The following EPB41L1 variants were observed in gnomAD, a reference collection of about 807,000 sequenced individuals.
EPB41L1 encodes band 4.1-like protein 1.
EPB41L1 carries 29 observed loss-of-function variants against 97.8 expected under a neutral mutation model. That is an observed-to-expected ratio of 0.30 (90% CI 0.22 to 0.40). The LOEUF (loss-of-function observed/expected upper bound fraction) is 0.40. Ranked by LOEUF, EPB41L1 falls within the 10% of genes least tolerant of loss-of-function variation. The probability of loss-of-function intolerance (pLI) is 1.00; values close to 1 mark genes in which losing one functional copy is unlikely to be tolerated. For synonymous variants in EPB41L1, 383 were observed against 459.2 expected, an observed-to-expected ratio of 0.83 and a Z score of 2.12; for missense variants, 812 against 1,162.3, an observed-to-expected ratio of 0.70 and a Z score of 4.38.
intron 5 of EPB41L1, among the ~76,000 whole-genome samples, chr20:36,179,698 C>T (rs2061398395): frequency 6.6e-6 from 1 of 152,260 alleles, no homozygotes; most frequent in Non-Finnish European, 1.5e-5. Context: ...CTCTCCTGAA[C>T]TCCCTGGTCC....
At chr20:36,133,902 A>G (rs1462424001) in intron 2 of EPB41L1, among the ~76,000 whole-genome samples, 1 of 151,882 alleles carries the variant, frequency 6.6e-6, no homozygotes, top group Non-Finnish European at 1.5e-5. Context: ...ATTACTTGAT[A>G]GCAAACCTTG....
chr20:36,201,392 G>C (rs111585491), intron 14 of EPB41L1, among the ~76,000 whole-genome samples: 2,012 of 152,210 alleles, frequency 0.013, 21 homozygotes, highest in Non-Finnish European at 0.021. Flanking sequence ...CTTAGGGTCA[G>C]GGGTCATGCT....
rs1600961268 is a variant in EPB41L1 at position 36,207,081 on chromosome 20, T to C, written c.1669-2407T>C. 7.8e-7 allele frequency: 1 copy of C among 1,288,944 alleles called. No homozygotes were observed. The highest frequency in any genetic ancestry group is 2.3e-5 in the Admixed American group (1 of 43,524). 79.8% of individuals were successfully genotyped at this position (1,288,944 alleles called of 1,614,324 possible). ...CATTTCTTCACATGGAGGTGATCAT[T>C]CCCCTGCCAGCCTCCCCTGGTCATT... On this transcript the variant is annotated intron_variant, in intron 14 of 21. Coordinates refer to ENST00000338074, the MANE Select transcript of EPB41L1 (RefSeq NM_012156.2). This position sits in a 1 kb window ranked among gnomAD's most constrained non-coding sequence, Gnocchi z 4.9.
At chr20:36,174,992 C>T in intron 2 of EPB41L1, among the ~76,000 whole-genome samples, 1 of 152,162 alleles carries the variant, frequency 6.6e-6, no homozygotes, top group East Asian at 1.9e-4. Flanking sequence ...ACAACAGACT[C>T]ACCTCCTCAT....
intron 1 of EPB41L1, among the ~76,000 whole-genome samples, chr20:36,107,828 T>TAA (rs879893254): frequency 4.2e-5 from 6 of 143,894 alleles, no homozygotes; most frequent in African/African-American, 1.5e-4. Flanking sequence ...GACTCCATCT[T>TAA]AAAAAAAAAA....
chr20:36,198,133 A>G, intron 14 of EPB41L1, 92 bp downstream of exon 14: 1 of 1,162,698 alleles, frequency 8.6e-7, no homozygotes, highest in Non-Finnish European at 1.3e-6. Context: ...CCACACCAAT[A>G]TGCTTCCCCC....
intron 8 of EPB41L1, among the ~76,000 whole-genome samples, chr20:36,187,974 G>T (rs1403444007): frequency 6.6e-6 from 1 of 152,112 alleles, no homozygotes; most frequent in Non-Finnish European, 1.5e-5. Context: ...GAACCTGTTT[G>T]AGCCACTGCT....
intron 21 of EPB41L1, among the ~76,000 whole-genome samples, chr20:36,223,274 T>C (rs1019096289): frequency 2.3e-4 from 35 of 152,226 alleles, no homozygotes; most frequent in African/African-American, 8.4e-4. Context: ...CCTCAAGTGA[T>C]CTGCCTGCCT....
chr20:36,182,406 C>T (rs2061507978), intron 6 of EPB41L1, 59 bp downstream of exon 6: 1 of 1,579,188 alleles, frequency 6.3e-7, no homozygotes. Flanking sequence ...GGATGAGGGA[C>T]CCTGGCCCTG....
intron 4 of EPB41L1, among the ~76,000 whole-genome samples, 171 bp from the exon 5 acceptor site, chr20:36,178,459 C>G (rs2061340565): frequency 6.6e-6 from 1 of 152,174 alleles, no homozygotes; most frequent in Admixed American, 6.5e-5. Flanking sequence ...GAATCCTGGC[C>G]CCATTCCCCT....
chr20:36,096,083 T>G (rs1158567285), intron 1 of EPB41L1, among the ~76,000 whole-genome samples: 1 of 151,824 alleles, frequency 6.6e-6, no homozygotes, highest in African/African-American at 2.4e-5. Flanking sequence ...ACCTAGGAAT[T>G]GATAACTCTG....
chr20:36,194,933 GGT>G (rs1190365300), intron 12 of EPB41L1, among the ~76,000 whole-genome samples: 1 of 152,116 alleles, frequency 6.6e-6, no homozygotes. Flanking sequence ...CACACACACA[GGT>G]GTGTGCACAC....
chr20:36,120,537 G>A (rs745707701), intron 2 of EPB41L1, among the ~76,000 whole-genome samples: 20 of 152,142 alleles, frequency 1.3e-4, no homozygotes, highest in Non-Finnish European at 2.6e-4. Flanking sequence ...TAGGCCAACC[G>A]TGTCCCTGTC....
At chr20:36,202,640 A>AAATAATAATAAT (rs536919167) in intron 14 of EPB41L1, among the ~76,000 whole-genome samples, 126 of 149,920 alleles carry the variant, frequency 8.4e-4, no homozygotes, top group African/African-American at 2.9e-3. Context: ...CTAAAAATAC[A>AAATAATAATAAT]AATAATAATA....
At chr20:36,173,340 T>TTTTA (rs1373355038) in intron 1 of EPB41L1, among the ~76,000 whole-genome samples, 4 of 152,218 alleles carry the variant, frequency 2.6e-5, no homozygotes, top group Admixed American at 2.6e-4. Context: ...CCCAGGGTTC[T>TTTTA]TTTAGTTAAA....
At chr20:36,176,841 A>G (rs1364770359) in intron 3 of EPB41L1, among the ~76,000 whole-genome samples, 1 of 152,010 alleles carries the variant, frequency 6.6e-6, no homozygotes, top group Non-Finnish European at 1.5e-5. Flanking sequence ...CATGTTGCCC[A>G]GGCTGGTCTC....
rs199848406 is a variant in EPB41L1 at position 36,129,356 on chromosome 20, T to TG, written c.-10+16882dup. Reference sequence around the variant, plus strand: ...GGGTGTGGTAAGTTACCGCTTCTCCTGGGGGGAGCCTGGTTTGCATTGTAA... The same window carrying TG: ...GGGTGTGGTAAGTTACCGCTTCTCCTGGGGGGGAGCCTGGTTTGCATTGTAA... On this transcript the variant is annotated intron_variant, in intron 2 of 19. Transcript: ENST00000202028. Among the ~76,000 whole-genome samples the TG allele has an allele frequency of 8.5e-3, 1,300 of 152,114 alleles. 27 individuals carry two copies. The highest frequency in any genetic ancestry group is 0.029 in the African/African-American group (1,217 of 41,478).
intron 2 of EPB41L1, among the ~76,000 whole-genome samples, chr20:36,129,574 A>G (rs1185683720): frequency 6.6e-6 from 1 of 151,852 alleles, no homozygotes; most frequent in Non-Finnish European, 1.5e-5. Flanking sequence ...ACTGCTCCCG[A>G]AGCACTCCCT....
upstream of EPB41L1, among the ~76,000 whole-genome samples, chr20:36,153,717 C>T (rs1776108216): frequency 6.6e-6 from 1 of 152,176 alleles, no homozygotes; most frequent in Admixed American, 6.5e-5. Context: ...GAACAACTTG[C>T]CCAAGGGTAC....
Sources: gnomAD v4.1 joint callset for allele counts (sites outside exome capture counted in the v4.1 genomes callset) on GRCh38, gnomAD v4.1.1 for gene constraint, Gnocchi (gnomAD v3.1) non-coding constraint, MANE v1.5 for transcripts, NCBI Gene and HGNC (gene_info 2026-07-23, HGNC 2026-07-21) for gene names.